The following CYFIP1 variants were observed in gnomAD, a reference collection of about 807,000 sequenced individuals.
CYFIP1 encodes the protein cytoplasmic FMR1 interacting protein 1.
Under a neutral mutation model 163.5 loss-of-function variants are expected in CYFIP1, and 58 were observed. The observed-to-expected ratio is 0.35, with a 90% CI of 0.29 to 0.44. The LOEUF (loss-of-function observed/expected upper bound fraction) is 0.44. Ranked by LOEUF, CYFIP1 falls within the 20% of genes least tolerant of loss-of-function variation. CYFIP1 has a pLI of 1.00. For missense variants in CYFIP1, 1,338 were observed against 1,653.8 expected, an observed-to-expected ratio of 0.81 and a Z score of 3.31; for synonymous variants, 663 against 660.7, an observed-to-expected ratio of 1.00 and a Z score of -0.05.
rs200184471 is a variant in CYFIP1, at chr15:22,964,351, ACT to A, written c.-7+15934_-7+15935del. On this transcript the variant is annotated intron_variant, in intron 1 of 30. Transcript: ENST00000617928. The stretch of plus-strand genomic sequence containing the variant: ...CACCAGCAGACTCCGCAACCTCATC[ACT>A]CACACACACACACACACACACACAC... 9.5e-3 allele frequency among the ~76,000 whole-genome samples: 599 copies of A among 63,038 alleles called. 5 individuals are homozygous for A. Among genetic ancestry groups the A allele is most frequent in the African/African-American group, 0.016 (248 of 15,226 alleles). The allele number at this position is 63,038 out of a possible 152,430, so 41.4% of individuals were successfully genotyped here.
intron 13 of CYFIP1, among the ~76,000 whole-genome samples, chr15:22,924,796 G>T (rs2061305559): frequency 1.3e-5 from 2 of 152,136 alleles, no homozygotes; most frequent in Admixed American, 6.5e-5. Context: ...TTTTGGCTGG[G>T]CGCAGTGGCT....
At chr15:22,903,569 T>C (rs987011136) in intron 22 of CYFIP1, 137 bp downstream of exon 22, 1 of 897,484 alleles carries the variant, frequency 1.1e-6, no homozygotes, top group Non-Finnish European at 1.7e-6. Context: ...CTGGAGGGCC[T>C]GCGTGCTCTT....
At chr15:22,964,435 A>G (rs1449359399) in intron 1 of CYFIP1, among the ~76,000 whole-genome samples, 1 of 149,196 alleles carries the variant, frequency 6.7e-6, no homozygotes, top group African/African-American at 2.5e-5. Flanking sequence ...CAGACTCCGC[A>G]GCCTGGAAGG....
At chr15:22,880,375 G>T (rs866521198) in intron 25 of CYFIP1, among the ~76,000 whole-genome samples, 6 of 152,170 alleles carry the variant, frequency 3.9e-5, no homozygotes, top group Non-Finnish European at 8.8e-5. Context: ...GGCAGACAAG[G>T]TATTTGACAA....
intron 22 of CYFIP1, among the ~76,000 whole-genome samples, chr15:22,901,879 T>C (rs2060404740): frequency 6.6e-6 from 1 of 152,150 alleles, no homozygotes; most frequent in South Asian, 2.1e-4. Flanking sequence ...ACCAAAGACT[T>C]GTGGGAAATG....
chr15:22,907,262 G>T (rs929705084), intron 21 of CYFIP1, among the ~76,000 whole-genome samples: 3 of 152,164 alleles, frequency 2.0e-5, no homozygotes, highest in African/African-American at 7.2e-5. Flanking sequence ...CCACCAGCCT[G>T]GGCTCCTTGA....
At chr15:22,976,019 C>G (rs2063263335) in intron 1 of CYFIP1, among the ~76,000 whole-genome samples, 1 of 152,042 alleles carries the variant, frequency 6.6e-6, no homozygotes. Flanking sequence ...AACCACTGAC[C>G]ATGGTATGTT....
intron 1 of CYFIP1, among the ~76,000 whole-genome samples, chr15:22,960,499 T>G (rs983903355): frequency 1.3e-5 from 2 of 152,180 alleles, no homozygotes; most frequent in Non-Finnish European, 2.9e-5. Context: ...GCTTCTCAGG[T>G]AAACCAGAAT....
At chr15:22,883,950 A>G (rs2059858514) in intron 23 of CYFIP1, among the ~76,000 whole-genome samples, 1 of 152,152 alleles carries the variant, frequency 6.6e-6, no homozygotes, top group African/African-American at 2.4e-5. Flanking sequence ...GGCAGGAAAG[A>G]TAAGAGAGAA....
At chr15:22,889,723 G>A (rs1379928458) in intron 23 of CYFIP1, among the ~76,000 whole-genome samples, 1 of 151,844 alleles carries the variant, frequency 6.6e-6, no homozygotes, top group African/African-American at 2.4e-5. Flanking sequence ...GCGCACAAAT[G>A]CCTCTCTATC....
intron 11 of CYFIP1, 132 bp downstream of exon 11, chr15:22,932,091 C>A (rs967511758): frequency 1.7e-5 from 11 of 641,604 alleles, no homozygotes; most frequent in Non-Finnish European, 2.9e-5. Flanking sequence ...CAGAACCTGT[C>A]CCTGTCATTA....
chr15:22,933,665 G>T (rs941495065), intron 10 of CYFIP1, 137 bp downstream of exon 10: 15 of 644,964 alleles, frequency 2.3e-5, no homozygotes, highest in African/African-American at 2.2e-4. Context: ...TGTGGCAAAG[G>T]CTGCAATACT....
chr15:22,881,165 C>T (rs1356625011), intron 25 of CYFIP1, among the ~76,000 whole-genome samples: 1 of 152,150 alleles, frequency 6.6e-6, no homozygotes, highest in Non-Finnish European at 1.5e-5. Context: ...AGAGCTCAGC[C>T]ACGCTGACTG....
intron 1 of CYFIP1, among the ~76,000 whole-genome samples, chr15:22,979,156 CA>C (rs1417628524): frequency 1.3e-5 from 2 of 152,270 alleles, no homozygotes; most frequent in East Asian, 3.9e-4. Flanking sequence ...CCTACGAGTG[CA>C]CACCTGCTAC....
intron 21 of CYFIP1, among the ~76,000 whole-genome samples, chr15:22,907,647 A>G (rs1186859508): frequency 6.6e-6 from 1 of 152,194 alleles, no homozygotes; most frequent in Non-Finnish European, 1.5e-5. Flanking sequence ...ATGACCACGC[A>G]CTGGAGAAGG....
intron 6 of CYFIP1, among the ~76,000 whole-genome samples, chr15:22,941,799 G>A (rs1355457243): frequency 6.6e-6 from 1 of 151,858 alleles, no homozygotes; most frequent in Non-Finnish European, 1.5e-5. Context: ...AAAGGTGCTA[G>A]TGCTAAAAGG....
intron 1 of CYFIP1, among the ~76,000 whole-genome samples, chr15:22,957,763 C>A (rs1462556789): frequency 6.6e-6 from 1 of 152,230 alleles, no homozygotes; most frequent in Admixed American, 6.5e-5. Context: ...TCTTCCTCTT[C>A]TATATGCAAA....
At chr15:22,875,365 TA>T in intron 26 of CYFIP1, 94 bp from the exon 27 acceptor site, 1 of 1,000,448 alleles carries the variant, frequency 1.0e-6, no homozygotes. Flanking sequence ...CCTTTTAGCA[TA>T]AAATAAACTC....
At chr15:22,937,896 GC>G (rs1304541466) in intron 8 of CYFIP1, among the ~76,000 whole-genome samples, 1 of 152,128 alleles carries the variant, frequency 6.6e-6, no homozygotes, top group Non-Finnish European at 1.5e-5. Context: ...GAGCCACCGT[GC>G]CCAGTCACAA....
Sources: allele counts gnomAD v4.1 joint callset (sites outside exome capture counted in the v4.1 genomes callset), GRCh38; gene constraint gnomAD v4.1.1; transcripts MANE v1.5; gene names NCBI Gene and HGNC (gene_info 2026-07-23, HGNC 2026-07-21).